Variants in DLGAP1 observed in about 807,000 individuals in gnomAD.
DLGAP1 encodes disks large-associated protein 1.
DLGAP1 carries 11 observed loss-of-function variants against 90.8 expected under a neutral mutation model. The ratio of observed to expected loss-of-function variants is 0.12; its 90% CI spans 0.08 to 0.20. The LOEUF (loss-of-function observed/expected upper bound fraction) is 0.20, where lower values mean the gene tolerates loss of function less well. Ranked by LOEUF, DLGAP1 falls within the 10% of genes least tolerant of loss-of-function variation. DLGAP1 has a pLI of 1.00. For missense variants in DLGAP1, 1,050 were observed against 1,333.8 expected (o/e 0.79, Z 3.31); for synonymous variants, 558 against 540.7 (o/e 1.03, Z -0.44).
At chr18:3,609,744 C>T (rs12455479) in intron 7 of DLGAP1, among the ~76,000 whole-genome samples, 25,627 of 151,560 alleles carry the variant, frequency 0.17, 2,789 homozygotes, top group Admixed American at 0.31. Flanking sequence ...TTATGTGATG[C>T]AACAAAATTC....
intron 7 of DLGAP1, among the ~76,000 whole-genome samples, chr18:3,668,492 C>A (rs937938584): frequency 6.6e-6 from 1 of 151,990 alleles, no homozygotes; most frequent in Non-Finnish European, 1.5e-5. Context: ...TTTTAATTTG[C>A]AAATTTTTGT....
intron 9 of DLGAP1, among the ~76,000 whole-genome samples, chr18:3,538,412 CAT>C (rs1052783007): frequency 3.7e-4 from 56 of 151,070 alleles, no homozygotes; most frequent in Middle Eastern, 3.4e-3. Flanking sequence ...AAAAAAATCA[CAT>C]AGTGTGAAAA....
At chr18:3,791,503 T>C (rs977239089) in intron 5 of DLGAP1, among the ~76,000 whole-genome samples, 17 of 148,312 alleles carry the variant, frequency 1.1e-4, no homozygotes, top group African/African-American at 3.9e-4. Context: ...AGGAAGGTGA[T>C]GTGCACATGT....
intron 7 of DLGAP1, among the ~76,000 whole-genome samples, chr18:3,726,156 G>C (rs1298025424): frequency 1.3e-5 from 2 of 152,122 alleles, no homozygotes; most frequent in African/African-American, 2.4e-5. Flanking sequence ...AAAATAATGA[G>C]CAAAGGAAGA....
At chr18:4,365,881 T>G (rs2081752481) in intron 1 of DLGAP1, among the ~76,000 whole-genome samples, 2 of 152,146 alleles carry the variant, frequency 1.3e-5, no homozygotes, top group South Asian at 4.1e-4. Flanking sequence ...AGGTATTAAG[T>G]CAAAAGCTGG....
chr18:3,970,204 T>A (rs1316255427), intron 3 of DLGAP1, among the ~76,000 whole-genome samples: 1 of 152,238 alleles, frequency 6.6e-6, no homozygotes, highest in Non-Finnish European at 1.5e-5. Context: ...TATAAAAATA[T>A]GATTTTATTG....
At chr18:4,033,305 A>G (rs925566996) in intron 2 of DLGAP1, among the ~76,000 whole-genome samples, 6 of 151,906 alleles carry the variant, frequency 3.9e-5, no homozygotes, top group African/African-American at 1.5e-4. Flanking sequence ...TGTTTGGCAT[A>G]CAAGATTGTC....
At chr18:4,023,511 T>C (rs2074648537) in intron 2 of DLGAP1, among the ~76,000 whole-genome samples, 1 of 152,192 alleles carries the variant, frequency 6.6e-6, no homozygotes, top group Admixed American at 6.5e-5. Context: ...AATTTTTGCA[T>C]TCAATGTTAT....
intron 4 of DLGAP1, among the ~76,000 whole-genome samples, chr18:3,853,444 A>ATACT (rs1399719552): frequency 1.3e-5 from 2 of 152,048 alleles, no homozygotes; most frequent in African/African-American, 4.8e-5. Context: ...AGGCACACAA[A>ATACT]TACTTATCAT....
chr18:3,836,527 C>T (rs1201217836), intron 4 of DLGAP1, among the ~76,000 whole-genome samples: 3 of 152,114 alleles, frequency 2.0e-5, no homozygotes, highest in Admixed American at 6.5e-5. Context: ...CTGTCACACA[C>T]GTCGCAGGTG....
At chr18:4,120,412 A>G (rs1363870236) in intron 2 of DLGAP1, among the ~76,000 whole-genome samples, 1 of 152,218 alleles carries the variant, frequency 6.6e-6, no homozygotes, top group Non-Finnish European at 1.5e-5. Flanking sequence ...CAATAGGAAA[A>G]AGTGAATTGC....
intron 1 of DLGAP1, among the ~76,000 whole-genome samples, chr18:4,382,187 G>C (rs1275482889): frequency 6.6e-6 from 1 of 152,064 alleles, no homozygotes; most frequent in African/African-American, 2.4e-5. Context: ...ATGTCACCCA[G>C]TACAGCGGAA....
intron 2 of DLGAP1, among the ~76,000 whole-genome samples, chr18:4,142,121 C>G (rs2076504749): frequency 6.6e-6 from 1 of 152,048 alleles, no homozygotes; most frequent in Non-Finnish European, 1.5e-5. Flanking sequence ...CAAGTTGCAT[C>G]TTTTTATTGC....
chr18:3,882,091 T>A (rs972237784), intron 3 of DLGAP1, among the ~76,000 whole-genome samples: 18 of 152,240 alleles, frequency 1.2e-4, no homozygotes, highest in Non-Finnish European at 2.6e-4. Flanking sequence ...ATATGGCAAA[T>A]AAATCATAAA....
chr18:4,330,417 T>C (rs1318345976), intron 1 of DLGAP1, among the ~76,000 whole-genome samples: 2 of 151,862 alleles, frequency 1.3e-5, no homozygotes, highest in African/African-American at 4.8e-5. Flanking sequence ...TTGGTTTTAA[T>C]TTTCTTTTCT....
At chr18:4,116,903 T>C (rs9949576) in intron 2 of DLGAP1, among the ~76,000 whole-genome samples, 18,196 of 152,272 alleles carry the variant, frequency 0.12, 1,114 homozygotes, top group Middle Eastern at 0.19. Context: ...GTATCTACTA[T>C]GAGCTGAATA....
At chr18:3,610,207 G>C (rs184998815) in intron 7 of DLGAP1, among the ~76,000 whole-genome samples, 2 of 152,272 alleles carry the variant, frequency 1.3e-5, no homozygotes, top group African/African-American at 4.8e-5. Flanking sequence ...TGAGATGGCT[G>C]TTCAGAGGGC....
At chr18:3,507,518 C>T (rs1323951947) in intron 11 of DLGAP1, among the ~76,000 whole-genome samples, 1 of 152,000 alleles carries the variant, frequency 6.6e-6, no homozygotes, top group Non-Finnish European at 1.5e-5. Flanking sequence ...GAGACTCCAT[C>T]TCAAAACAAA....
At chr18:4,079,096 C>T (rs1279135160) in intron 2 of DLGAP1, among the ~76,000 whole-genome samples, 1 of 152,166 alleles carries the variant, frequency 6.6e-6, no homozygotes, top group African/African-American at 2.4e-5. Context: ...AGAGCACGGA[C>T]TTCCCACATA....
Sources: allele counts gnomAD v4.1 joint callset (sites outside exome capture counted in the v4.1 genomes callset), GRCh38; gene constraint gnomAD v4.1.1; transcripts MANE v1.5; gene names NCBI Gene and HGNC (gene_info 2026-07-23, HGNC 2026-07-21).